Variants in NAV1 observed in about 807,000 individuals in gnomAD.
NAV1 encodes neuron navigator 1.
NAV1 carries 18 observed loss-of-function variants against 175.2 expected under a neutral mutation model. The ratio of observed to expected loss-of-function variants is 0.10; its 90% CI spans 0.07 to 0.15. The LOEUF is 0.15. Among genes scored for constraint, NAV1 ranks in the 10% least tolerant of loss-of-function variants. The pLI, the probability that NAV1 is intolerant of heterozygous loss-of-function variation, is 1.00. For synonymous variants in NAV1, 897 were observed against 978.7 expected (o/e 0.92, Z 1.56); for missense variants, 1,731 against 2,436.6 (o/e 0.71, Z 6.10).
Position 201,787,139 on chromosome 1 carries a change from G to T in NAV1, c.2995+562G>T, listed in dbSNP as rs1272932265. Among the ~76,000 whole-genome samples the T allele has an allele frequency of 6.6e-6, 1 of 152,160 alleles. No homozygotes were observed. Among genetic ancestry groups the T allele is most frequent in the African/African-American group, 2.4e-5 (1 of 41,428 alleles). ...TCCTAAAGCCTAGGGAGAAAGGAGA[G>T]CTAGGAAATAAGGAAGTGACTTAGA... On this transcript the variant is annotated intron_variant, in intron 9 of 29. Transcript: ENST00000367296. This position sits in a 1 kb window ranked among gnomAD's most constrained non-coding sequence, Gnocchi z 4.3.
chr1:201,766,502 G>A lies in NAV1; in HGVS notation c.1227-13919G>A, dbSNP rs1214653202. ...TTTCAAAACTGAGCATCACAAAACT[G>A]CCCAATTTCACTCTGACTCTTCTAT... On this transcript the variant is annotated intron_variant, in intron 3 of 29. Transcript: ENST00000367296. Among the ~76,000 whole-genome samples, 4 of 151,594 alleles carry A rather than the reference G, an allele frequency of 2.6e-5. No homozygotes were observed. The South Asian group carries it at 6.2e-4, about 24-fold the overall frequency.
At position 201,780,416 on chromosome 1, in the gene NAV1, T is replaced by A; in HGVS notation, c.1227-5T>A. On this transcript the variant is annotated splice_region_variant and splice_polypyrimidine_tract_variant and intron_variant, in intron 3 of 29. Transcript: ENST00000367296. The stretch of plus-strand genomic sequence containing the variant: ...CGATTGACCTTCATCTCTCCTGTCC[T>A]GTAGCTGGGATGAAAGCAGCTCCAT... 1 of 1,614,246 alleles carries A rather than the reference T, an allele frequency of 6.2e-7. No individual in the cohort carries two copies.
At chr1:201,647,790 A>G (rs1464169413), upstream of NAV1, among the ~76,000 whole-genome samples, 1 of 150,468 alleles carries the variant, frequency 6.6e-6, no homozygotes, top group Admixed American at 6.6e-5. Context: ...CCATTCCTCC[A>G]CCCCTCTCCC....
chr1:201,554,960 TAG>T (rs1004667757), intron 1 of NAV1, among the ~76,000 whole-genome samples: 2 of 152,174 alleles, frequency 1.3e-5, no homozygotes, highest in African/African-American at 4.8e-5. Context: ...TCCCTTGGTG[TAG>T]AGACACATCA....
intron 1 of NAV1, among the ~76,000 whole-genome samples, chr1:201,553,192 G>A (rs1665913910): frequency 6.6e-6 from 1 of 152,222 alleles, no homozygotes; most frequent in Non-Finnish European, 1.5e-5. Flanking sequence ...AATACAGGCT[G>A]GGGCCATCTC....
At chr1:201,754,803 G>A (rs1674350978) in intron 3 of NAV1, among the ~76,000 whole-genome samples, 1 of 152,032 alleles carries the variant, frequency 6.6e-6, no homozygotes, top group Non-Finnish European at 1.5e-5. Flanking sequence ...ATTTTGTCCT[G>A]TTATATTAAC....
upstream of NAV1, chr1:201,648,135 G>T (rs1571861788): frequency 2.0e-6 from 1 of 493,430 alleles, no homozygotes; most frequent in Non-Finnish European, 2.5e-6. Flanking sequence ...CCTCCTGTTT[G>T]CTCCCCGCCT....
upstream of NAV1, among the ~76,000 whole-genome samples, chr1:201,643,929 A>G (rs1381176676): frequency 6.6e-6 from 1 of 152,252 alleles, no homozygotes; most frequent in Admixed American, 6.5e-5. Context: ...CTACATCTTC[A>G]TTCCTCAAAT....
At position 201,812,013 on chromosome 1, in the gene NAV1, C is replaced by T. The variant is rs1440069738; in HGVS notation, c.5024+39C>T. ...CTCTGGATGAACCTTCTGACCCTAC[C>T]CAAGAGTCTTCAATCCTGGACTCTG... On this transcript the variant is annotated intron_variant, in intron 26 of 29. Coordinates refer to ENST00000367296, the Ensembl canonical transcript of NAV1. This position sits in a 1 kb window ranked among gnomAD's most constrained non-coding sequence, Gnocchi z 4.6. The T allele has an allele frequency of 1.9e-6, 3 of 1,584,598 alleles. No homozygotes were observed. Among genetic ancestry groups the T allele is most frequent in the Non-Finnish European group, 2.6e-6 (3 of 1,153,226 alleles).
chr1:201,588,524 T>C lies in NAV1; in HGVS notation c.-143-15T>C, dbSNP rs906263992. 6.6e-6 allele frequency among the ~76,000 whole-genome samples: 1 copy of C among 151,226 alleles called. No homozygotes were observed. The highest frequency in any genetic ancestry group is 1.5e-5 in the Non-Finnish European group (1 of 67,774). On this transcript the variant is annotated splice_polypyrimidine_tract_variant and intron_variant, in intron 1 of 33. Coordinates refer to the NAV1 transcript ENST00000685211. ...CACCACACCCAGCTGATTAATTTTT[T>C]TTTTTTTTTTGTAGAGACAGAGTCT...
At chr1:201,636,239 T>C (rs1431143198) in intron 2 of NAV1, among the ~76,000 whole-genome samples, 3 of 152,182 alleles carry the variant, frequency 2.0e-5, no homozygotes, top group Non-Finnish European at 4.4e-5. Context: ...TGGCCAAGGC[T>C]GAAGTCTCCC....
rs758487953 is a variant in NAV1 at position 201,794,613 on chromosome 1, G to A, written c.3517+36G>A. On this transcript the variant is annotated intron_variant, in intron 15 of 29. Coordinates refer to ENST00000367296, the Ensembl canonical transcript of NAV1. ...CAGCCACAGATTGAGAGGGAACAGGGAGCAGGAAAGTAAGAGTATTACAGA... is the reference window on the plus strand; with the variant it reads ...CAGCCACAGATTGAGAGGGAACAGGAAGCAGGAAAGTAAGAGTATTACAGA... The A allele has an allele frequency of 2.6e-6, 4 of 1,550,216 alleles. No homozygotes were observed. In the African/African-American group the frequency reaches 5.4e-5, roughly 21 times the overall value.
At chr1:201,772,747 G>T (rs1675668957) in intron 3 of NAV1, among the ~76,000 whole-genome samples, 1 of 152,150 alleles carries the variant, frequency 6.6e-6, no homozygotes, top group African/African-American at 2.4e-5. Flanking sequence ...AATACTAGGA[G>T]CTTGGGCCGG....
At chr1:201,793,430 A>G (rs2102751848) in intron 13 of NAV1, 1 of 180,188 alleles carries the variant, frequency 5.5e-6, no homozygotes, top group East Asian at 1.6e-4. Flanking sequence ...AATAATAGGA[A>G]CGACCCCAGA....
At chr1:201,580,650 G>A (rs980208218) in intron 1 of NAV1, among the ~76,000 whole-genome samples, 1 of 152,152 alleles carries the variant, frequency 6.6e-6, no homozygotes, top group African/African-American at 2.4e-5. Flanking sequence ...GCGCACGCCT[G>A]TAATCCTAGC....
intron 3 of NAV1, among the ~76,000 whole-genome samples, chr1:201,738,586 CA>C (rs1221380919): frequency 6.6e-6 from 1 of 152,050 alleles, no homozygotes; most frequent in Non-Finnish European, 1.5e-5. Context: ...TCCTAGGACT[CA>C]AAGCACCACC....
At chr1:201,786,996 A>G (rs909326750) in intron 9 of NAV1, among the ~76,000 whole-genome samples, 1 of 152,208 alleles carries the variant, frequency 6.6e-6, no homozygotes, top group Non-Finnish European at 1.5e-5. Flanking sequence ...GTTGATTGCC[A>G]AGGACGAGAT....
rs371958868 is a variant in NAV1 at position 201,782,305 on chromosome 1, G to A, written c.1793G>A (p.Arg598His). The A allele has an allele frequency of 2.2e-4, 353 of 1,614,132 alleles. No individual in the cohort carries two copies. Among genetic ancestry groups the A allele is most frequent in the Middle Eastern group, 3.3e-4 (2 of 6,058 alleles). ...AAGAAGCCCCCCTCGGGCATTGCTC[G>A]CCCCTCCACTTCGGGATCCTTTGGC... The change falls in exon 6 of 30, where the codon CGC becomes CAC. Residue 598 changes from arginine (R) to histidine (H), a missense_variant. Physicochemically the swap from Arg to His is conservative, Grantham distance 29. Coordinates refer to ENST00000367296, the Ensembl canonical transcript of NAV1. The surrounding 1 kb of genome is among the most constrained non-coding windows in gnomAD (Gnocchi z 5.4).
At chr1:201,556,953 C>T (rs500218) in intron 1 of NAV1, among the ~76,000 whole-genome samples, 13,407 of 152,164 alleles carry the variant, frequency 0.088, 919 homozygotes, top group African/African-American at 0.18. Context: ...AGACTCGTCT[C>T]TGGTGCAAAG....
Sources: allele counts gnomAD v4.1 joint callset (sites outside exome capture counted in the v4.1 genomes callset), GRCh38; gene constraint gnomAD v4.1.1; non-coding constraint Gnocchi (gnomAD v3.1); transcripts MANE v1.5; gene names NCBI Gene and HGNC (gene_info 2026-07-23, HGNC 2026-07-21).